Variants in PFKFB3 observed in about 807,000 individuals in gnomAD.
The protein encoded by PFKFB3 is 6-phosphofructo-2-kinase/fructose-2,6-bisphosphatase 3.
PFKFB3 carries 33 observed loss-of-function variants against 68.0 expected under a neutral mutation model. The observed-to-expected ratio is 0.49, with a 90% confidence interval of 0.37 to 0.65. The LOEUF (loss-of-function observed/expected upper bound fraction) is 0.65, where lower values mean the gene tolerates loss of function less well. Among genes scored for constraint, PFKFB3 ranks in the 30% least tolerant of loss-of-function variants. The pLI is 0.00. For missense variants in PFKFB3, 586 were observed against 712.2 expected (o/e 0.82, Z 2.02); for synonymous variants, 315 against 288.2 (o/e 1.09, Z -0.94).
chr10:6,151,191 G>T (rs1020809796), intron 1 of PFKFB3, among the ~76,000 whole-genome samples: 1 of 152,164 alleles, frequency 6.6e-6, no homozygotes. Flanking sequence ...ATGAGTCTTG[G>T]TGGTATCTTG....
chr10:6,279,349 A>G, the PFKFB3 span, among the ~76,000 whole-genome samples: 1 of 152,202 alleles, frequency 6.6e-6, no homozygotes, highest in Non-Finnish European at 1.5e-5. Context: ...ATTTTTAGAA[A>G]TTTGGAAGGA....
At chr10:6,297,281 G>A in the PFKFB3 span, among the ~76,000 whole-genome samples, 1 of 152,208 alleles carries the variant, frequency 6.6e-6, no homozygotes, top group Non-Finnish European at 1.5e-5. Flanking sequence ...TTTCATCGGA[G>A]AAGCAATTGT....
At position 6,189,576 on chromosome 10, in the gene PFKFB3, G is replaced by A. The variant is rs148120080; in HGVS notation, c.17-24047G>A. The stretch of plus-strand genomic sequence containing the variant: ...GTCACCCAGGCTGGAGTGCAGTGGC[G>A]CGATCTCTGCTCACTACAACCACCA... On this transcript the variant is annotated intron_variant, in intron 1 of 14. Coordinates refer to the PFKFB3 transcript ENST00000379789. Among the ~76,000 whole-genome samples, 511 of 150,216 alleles carry A rather than the reference G, an allele frequency of 3.4e-3. 3 individuals carry two copies. Among genetic ancestry groups the A allele is most frequent in the East Asian group, 0.028 (143 of 5,092 alleles).
intron 1 of PFKFB3, among the ~76,000 whole-genome samples, chr10:6,171,039 A>AT (rs1217044416): frequency 3.3e-5 from 5 of 151,870 alleles, no homozygotes; most frequent in African/African-American, 1.2e-4. Flanking sequence ...TATTATTATT[A>AT]TTTTTTTATG....
At chr10:6,172,296 C>T (rs1398651740) in intron 1 of PFKFB3, among the ~76,000 whole-genome samples, 1 of 152,318 alleles carries the variant, frequency 6.6e-6, no homozygotes, top group East Asian at 1.9e-4. Flanking sequence ...GGGAGGCGCA[C>T]AGGCGGGCCT....
At chr10:6,300,165 C>T in the PFKFB3 span, among the ~76,000 whole-genome samples, 1 of 151,642 alleles carries the variant, frequency 6.6e-6, no homozygotes, top group East Asian at 1.9e-4. Flanking sequence ...GGGCGAGATG[C>T]GAGTCACTCC....
chr10:6,302,779 CATAT>C, the PFKFB3 span, among the ~76,000 whole-genome samples: 41 of 116,796 alleles, frequency 3.5e-4, no homozygotes, highest in African/African-American at 1.2e-3. Context: ...CACACACACA[CATAT>C]ACACATACAC....
chr10:6,326,263 T>TCAC, the PFKFB3 span, among the ~76,000 whole-genome samples: 1 of 151,982 alleles, frequency 6.6e-6, no homozygotes, highest in South Asian at 2.1e-4. Flanking sequence ...GAGGGGAACA[T>TCAC]CACACACTGG....
chr10:6,174,152 A>T (rs1382194645), intron 1 of PFKFB3, among the ~76,000 whole-genome samples: 1 of 151,952 alleles, frequency 6.6e-6, no homozygotes, highest in African/African-American at 2.4e-5. Flanking sequence ...TTTTCTGCTG[A>T]CTTCTCTGAG....
chr10:6,163,440 G>GA (rs531391029), intron 1 of PFKFB3, among the ~76,000 whole-genome samples: 59 of 152,248 alleles, frequency 3.9e-4, no homozygotes, highest in African/African-American at 1.4e-3. Context: ...GATACACCTG[G>GA]AGCCTGGCGT....
chr10:6,184,787 T>TTC (rs983934731), intron 1 of PFKFB3, among the ~76,000 whole-genome samples: 1 of 150,742 alleles, frequency 6.6e-6, no homozygotes, highest in African/African-American at 2.4e-5. Context: ...TTTTTTTTTT[T>TTC]TTAAGAGAGC....
At chr10:6,254,463 G>T (rs1016436558) in exon 15 of PFKFB3, 4 of 398,048 alleles carry the variant, frequency 1.0e-5, no homozygotes, top group African/African-American at 2.1e-5. Flanking sequence ...TCCCAGGTCA[G>T]TGTCAGTTGT....
intron 14 of PFKFB3, chr10:6,231,348 A>G (rs776801537): frequency 6.2e-7 from 1 of 1,611,520 alleles, no homozygotes; most frequent in African/African-American, 1.3e-5. Context: ...TCTGTCCCGC[A>G]CCGCGTCACG....
At chr10:6,179,883 T>G (rs1479208150) in intron 1 of PFKFB3, among the ~76,000 whole-genome samples, 9 of 152,078 alleles carry the variant, frequency 5.9e-5, no homozygotes, top group African/African-American at 2.2e-4. Flanking sequence ...AGAAGACCGT[T>G]GAGCCCCCAG....
rs779809095 is a variant in PFKFB3 at position 6,220,892 on chromosome 10, G to A, written c.831+27G>A. The A allele has an allele frequency of 2.6e-5, 42 of 1,600,824 alleles. No homozygotes were observed. In the Middle Eastern group the frequency reaches 4.9e-4, roughly 19 times the overall value. On this transcript the variant is annotated intron_variant, in intron 8 of 14. Coordinates refer to ENST00000379775, the MANE Select transcript of PFKFB3 (RefSeq NM_004566.4). This position sits in a 1 kb window ranked among gnomAD's most constrained non-coding sequence, Gnocchi z 4.1. ...TGCGGGGTGTGCTGCCGCATGGGCC[G>A]TTCTGGCTGTAGGGCGGTTGCAGGG...
chr10:6,145,079 G>T (rs1841332621), intron 1 of PFKFB3: 2 of 1,242,684 alleles, frequency 1.6e-6, no homozygotes, highest in Non-Finnish European at 2.0e-6. Context: ...CCGCCTGTGG[G>T]TACCCGAGCC....
intron 10 of PFKFB3, among the ~76,000 whole-genome samples, chr10:6,222,075 C>T (rs1845002934): frequency 6.6e-6 from 1 of 152,146 alleles, no homozygotes; most frequent in African/African-American, 2.4e-5. Flanking sequence ...CTGTGCTTCC[C>T]CGTGCACGGT....
intron 14 of PFKFB3, chr10:6,231,218 TC>T (rs1464225838): frequency 1.9e-5 from 24 of 1,290,236 alleles, no homozygotes; most frequent in Admixed American, 1.4e-4. Context: ...TTTTTTTTTT[TC>T]CTTTTCCAAC....
chr10:6,272,595 T>G, the PFKFB3 span, among the ~76,000 whole-genome samples: 1 of 152,010 alleles, frequency 6.6e-6, no homozygotes, highest in African/African-American at 2.4e-5. Context: ...CTTGGGAGGC[T>G]GAGGCAGGAG....
Sources: allele counts gnomAD v4.1 joint callset (sites outside exome capture counted in the v4.1 genomes callset), GRCh38; gene constraint gnomAD v4.1.1; non-coding constraint Gnocchi (gnomAD v3.1); transcripts MANE v1.5; gene names NCBI Gene and HGNC (gene_info 2026-07-23, HGNC 2026-07-21).